Variants in ATF7IP2 observed in about 807,000 individuals in gnomAD.
The protein encoded by ATF7IP2 is activating transcription factor 7-interacting protein 2.
Under a neutral mutation model 64.2 loss-of-function variants are expected in ATF7IP2, and 42 were observed. The ratio of observed to expected loss-of-function variants is 0.65; its 90% CI spans 0.51 to 0.85. The LOEUF is 0.85. ATF7IP2 is among the 40% of genes least tolerant of loss of function. The pLI is 0.00. For missense variants in ATF7IP2, 933 were observed against 784.2 expected, an observed-to-expected ratio of 1.19 and a Z score of -2.27; for synonymous variants, 308 against 272.8, an observed-to-expected ratio of 1.13 and a Z score of -1.27.
At chr16:10,467,952 T>C (rs1161341217) in intron 9 of ATF7IP2, among the ~76,000 whole-genome samples, 1 of 150,452 alleles carries the variant, frequency 6.6e-6, no homozygotes, top group Admixed American at 6.6e-5. Context: ...TGATCTTGGC[T>C]TACCACAACC....
At chr16:10,475,874 A>G (rs2049991691) in intron 12 of ATF7IP2, among the ~76,000 whole-genome samples, 1 of 152,186 alleles carries the variant, frequency 6.6e-6, no homozygotes, top group African/African-American at 2.4e-5. Flanking sequence ...GGAGAACAAT[A>G]CAAGTCTCAA....
At chr16:10,442,250 C>T (rs1329115715) in intron 8 of ATF7IP2, among the ~76,000 whole-genome samples, 2 of 152,092 alleles carry the variant, frequency 1.3e-5, no homozygotes, top group African/African-American at 4.8e-5. Flanking sequence ...AGGGTGAAAC[C>T]CTTATGAAGA....
chr16:10,422,999 C>G (rs370935865), intron 3 of ATF7IP2, among the ~76,000 whole-genome samples: 2 of 152,198 alleles, frequency 1.3e-5, no homozygotes, highest in African/African-American at 2.4e-5. Flanking sequence ...AATCCCAGCA[C>G]TTTGGGAGGC....
intron 2 of ATF7IP2, among the ~76,000 whole-genome samples, chr16:10,419,249 G>A (rs1354283864): frequency 6.6e-6 from 1 of 152,172 alleles, no homozygotes; most frequent in Non-Finnish European, 1.5e-5. Context: ...TTGATAGTGA[G>A]GGGGTAGGCA....
chr16:10,483,213 G>GT lies in ATF7IP2; in HGVS notation c.*965dup, dbSNP rs1299708125. 6.6e-6 allele frequency: 1 copy of GT among 152,178 alleles called. No homozygotes were observed. The highest frequency in any genetic ancestry group is 1.5e-5 in the Non-Finnish European group (1 of 68,036). The allele number at this position is 152,178 out of a possible 1,614,324, so 9.4% of individuals were successfully genotyped here. ...TGTGCTGTGTACACAAAAACATAAT[G>GT]TATCTTATGAAAGCATTACCCAACC... On this transcript the variant is annotated 3_prime_UTR_variant, in exon 14 of 14. Transcript: ENST00000562102.
chr16:10,466,423 C>A (rs755744395), intron 9 of ATF7IP2, among the ~76,000 whole-genome samples: 1 of 152,030 alleles, frequency 6.6e-6, no homozygotes, highest in Non-Finnish European at 1.5e-5. Context: ...ATAAGGTATG[C>A]GTATCTTGAG....
intron 2 of ATF7IP2, among the ~76,000 whole-genome samples, chr16:10,416,109 A>G (rs2047870370): frequency 6.6e-6 from 1 of 152,220 alleles, no homozygotes; most frequent in South Asian, 2.1e-4. Context: ...ATATATACCC[A>G]AATGAAAGGA....
Position 10,413,546 on chromosome 16 carries a change from C to G in ATF7IP2, c.-241-1028C>G, listed in dbSNP as rs71381151. 6.1e-3 allele frequency among the ~76,000 whole-genome samples: 931 copies of G among 152,280 alleles called. 4 individuals are homozygous for G. The highest frequency in any genetic ancestry group is 9.6e-3 in the Non-Finnish European group (652 of 68,010). On this transcript the variant is annotated intron_variant, in intron 1 of 13. Transcript: ENST00000562102. Reference sequence around the variant, plus strand: ...ACAGTTAGTGTTTAGTTGTGAGGTACTATTCTGTTCATCATGCTGTTTGTT... The same window carrying G: ...ACAGTTAGTGTTTAGTTGTGAGGTAGTATTCTGTTCATCATGCTGTTTGTT...
At chr16:10,423,901 T>A (rs2353911) in intron 3 of ATF7IP2, among the ~76,000 whole-genome samples, 2 of 152,042 alleles carry the variant, frequency 1.3e-5, no homozygotes, top group African/African-American at 4.8e-5. Flanking sequence ...CGTAGTTCCA[T>A]GTTCTCCAGT....
At chr16:10,457,002 A>T (rs1427710179) in intron 8 of ATF7IP2, among the ~76,000 whole-genome samples, 1 of 152,224 alleles carries the variant, frequency 6.6e-6, no homozygotes, top group African/African-American at 2.4e-5. Flanking sequence ...GCAAGTTAGC[A>T]ATCTGAGTTA....
At chr16:10,401,679 A>G (rs2047538631) in intron 1 of ATF7IP2, among the ~76,000 whole-genome samples, 1 of 149,136 alleles carries the variant, frequency 6.7e-6, no homozygotes, top group African/African-American at 2.5e-5. Flanking sequence ...TTTCAAGAGG[A>G]TTGGTATTAG....
chr16:10,453,574 A>G (rs1468367872), intron 8 of ATF7IP2, among the ~76,000 whole-genome samples: 1 of 152,174 alleles, frequency 6.6e-6, no homozygotes, highest in Admixed American at 6.5e-5. Context: ...GAATACTTGT[A>G]TACTCAGCAC....
At chr16:10,416,880 T>C (rs1464829729) in intron 2 of ATF7IP2, among the ~76,000 whole-genome samples, 1 of 152,224 alleles carries the variant, frequency 6.6e-6, no homozygotes, top group East Asian at 1.9e-4. Flanking sequence ...ATCAATAATT[T>C]AGTTATACAT....
At chr16:10,423,660 G>C (rs1414147600) in intron 3 of ATF7IP2, among the ~76,000 whole-genome samples, 1 of 152,140 alleles carries the variant, frequency 6.6e-6, no homozygotes, top group Non-Finnish European at 1.5e-5. Flanking sequence ...GGTGCAGAAG[G>C]GTAGGGACAA....
intron 12 of ATF7IP2, among the ~76,000 whole-genome samples, chr16:10,478,858 C>T (rs943124116): frequency 3.3e-5 from 5 of 152,224 alleles, no homozygotes; most frequent in African/African-American, 1.2e-4. Context: ...ACAGACACTT[C>T]TCAAAGGAAG....
intron 5 of ATF7IP2, among the ~76,000 whole-genome samples, chr16:10,432,153 A>G (rs2048281048): frequency 6.6e-6 from 1 of 151,980 alleles, no homozygotes; most frequent in Non-Finnish European, 1.5e-5. Context: ...ATTTCTTTCT[A>G]TAGAATTGAC....
chr16:10,429,829 T>G (rs1432432135), intron 4 of ATF7IP2, among the ~76,000 whole-genome samples: 1 of 149,180 alleles, frequency 6.7e-6, no homozygotes, highest in East Asian at 1.9e-4. Context: ...TTATTTTTAT[T>G]TTGTTTTATT....
intron 9 of ATF7IP2, 116 bp from the exon 10 acceptor site, chr16:10,471,994 T>C (rs2049817904): frequency 2.1e-6 from 1 of 467,832 alleles, no homozygotes; most frequent in Non-Finnish European, 3.8e-6. Flanking sequence ...CCCCCACGAT[T>C]GTTCAATTAA....
intron 8 of ATF7IP2, chr16:10,454,396 G>A (rs1036856013): frequency 4.4e-5 from 5 of 112,814 alleles, no homozygotes; most frequent in Non-Finnish European, 8.5e-5. Context: ...GTGACAGTGT[G>A]AGACTCCATC....
Sources: gnomAD v4.1 joint callset for allele counts (sites outside exome capture counted in the v4.1 genomes callset) on GRCh38, gnomAD v4.1.1 for gene constraint, MANE v1.5 for transcripts, NCBI Gene and HGNC (gene_info 2026-07-23, HGNC 2026-07-21) for gene names.